The following GRIA1 variants were observed in gnomAD, a reference collection of about 807,000 sequenced individuals.
GRIA1 encodes glutamate receptor 1.
Under a neutral mutation model 99.2 loss-of-function variants are expected in GRIA1, and 31 were observed. The observed-to-expected ratio is 0.31, with a 90% CI of 0.23 to 0.42. The LOEUF is 0.42. Ranked by LOEUF, GRIA1 falls within the 10% of genes least tolerant of loss-of-function variation. The pLI, the probability that GRIA1 is intolerant of heterozygous loss-of-function variation, is 1.00. For synonymous variants in GRIA1, 438 were observed against 432.4 expected, an observed-to-expected ratio of 1.01 and a Z score of -0.16; for missense variants, 782 against 1,157.5, an observed-to-expected ratio of 0.68 and a Z score of 4.71.
intron 2 of GRIA1, among the ~76,000 whole-genome samples, chr5:153,548,662 A>T (rs1759831046): frequency 6.6e-6 from 1 of 152,198 alleles, no homozygotes; most frequent in East Asian, 1.9e-4. Flanking sequence ...ATCCTTTCAA[A>T]TTATATGAGG....
chr5:153,734,734 G>A (rs1309338617), intron 11 of GRIA1, among the ~76,000 whole-genome samples: 1 of 152,182 alleles, frequency 6.6e-6, no homozygotes, highest in Admixed American at 6.5e-5. Context: ...AGGCTTTCTG[G>A]AGGAAGTTGC....
intron 2 of GRIA1, among the ~76,000 whole-genome samples, chr5:153,613,327 G>T (rs887726624): frequency 6.6e-5 from 10 of 152,122 alleles, no homozygotes; most frequent in Non-Finnish European, 8.8e-5. Context: ...CAAAATGATT[G>T]ATGCAGCATT....
At chr5:153,580,344 G>C (rs2131564) in intron 2 of GRIA1, among the ~76,000 whole-genome samples, 1 of 152,110 alleles carries the variant, frequency 6.6e-6, no homozygotes, top group Non-Finnish European at 1.5e-5. Flanking sequence ...AGGGATTTGG[G>C]CAAGGTAAAT....
chr5:153,540,351 A>G (rs1338566918), intron 2 of GRIA1, among the ~76,000 whole-genome samples: 2 of 152,188 alleles, frequency 1.3e-5, no homozygotes, highest in African/African-American at 2.4e-5. Context: ...TTAACTCTTC[A>G]TATCCTGGAT....
intron 2 of GRIA1, among the ~76,000 whole-genome samples, chr5:153,510,139 AT>A (rs1185218800): frequency 6.6e-6 from 1 of 152,190 alleles, no homozygotes; most frequent in Non-Finnish European, 1.5e-5. Context: ...AAATAATAAA[AT>A]AAAATTTAAA....
chr5:153,517,710 CA>C (rs972657862), intron 2 of GRIA1, among the ~76,000 whole-genome samples: 1 of 151,550 alleles, frequency 6.6e-6, no homozygotes, highest in Non-Finnish European at 1.5e-5. Context: ...ACACTTTTTT[CA>C]AAAAAAATCT....
chr5:153,806,642 C>T (rs1766447435), intron 15 of GRIA1, among the ~76,000 whole-genome samples: 2 of 152,174 alleles, frequency 1.3e-5, no homozygotes, highest in African/African-American at 4.8e-5. Flanking sequence ...TGCTTAAAAA[C>T]ATCTTCCTCA....
chr5:153,650,782 G>A (rs960608071), intron 4 of GRIA1, among the ~76,000 whole-genome samples: 2 of 150,802 alleles, frequency 1.3e-5, no homozygotes, highest in African/African-American at 4.9e-5. Flanking sequence ...AAAAATGCTG[G>A]ATGCAGTGGC....
At chr5:153,504,393 T>A (rs1354734933) in intron 2 of GRIA1, among the ~76,000 whole-genome samples, 1 of 151,830 alleles carries the variant, frequency 6.6e-6, no homozygotes, top group African/African-American at 2.4e-5. Context: ...ATGTATTTAT[T>A]GTCTATTTTA....
At chr5:153,502,594 C>T (rs1399375871) in intron 2 of GRIA1, among the ~76,000 whole-genome samples, 3 of 152,146 alleles carry the variant, frequency 2.0e-5, no homozygotes, top group Non-Finnish European at 4.4e-5. Flanking sequence ...CCTGGGTTTG[C>T]CATTGATGTA....
chr5:153,756,096 C>T (rs919914131), intron 11 of GRIA1, among the ~76,000 whole-genome samples: 1 of 152,214 alleles, frequency 6.6e-6, no homozygotes, highest in Non-Finnish European at 1.5e-5. Context: ...CAGTTTGGCT[C>T]CAGCCCCCCA....
rs187605766 is a variant in GRIA1 at position 153,701,547 on chromosome 5, G to A, written c.1452+2474G>A. On this transcript the variant is annotated intron_variant, in intron 10 of 15. Coordinates refer to ENST00000285900, the MANE Select transcript of GRIA1 (RefSeq NM_000827.4). ...AAGGCAGGAGAATGGCGTGAACCTG[G>A]GAGGCGGAGCTTGCAATGAGCCAAG... 3.5e-3 allele frequency among the ~76,000 whole-genome samples: 499 copies of A among 143,520 alleles called. 2 individuals are homozygous for A. Among genetic ancestry groups the A allele is most frequent in the Non-Finnish European group, 3.5e-3 (236 of 66,634 alleles). 94.2% of individuals were successfully genotyped at this position (143,520 alleles called of 152,430 possible).
chr5:153,692,629 T>C lies in GRIA1; in HGVS notation c.1135-5415T>C, dbSNP rs143247585. On this transcript the variant is annotated intron_variant, in intron 8 of 15. Transcript: ENST00000285900. ...CAAAGATATCTACCGTCTGGCCCTT[T>C]AGGATAAAGCTTGTCAACCCCTGGT... Among the ~76,000 whole-genome samples, 1,103 of 152,284 alleles carry C rather than the reference T, an allele frequency of 7.2e-3. 5 individuals carry two copies. The highest frequency in any genetic ancestry group is 0.011 in the Non-Finnish European group (732 of 68,018).
chr5:153,737,290 TAAAAAAAAA>T (rs35443126), intron 11 of GRIA1, among the ~76,000 whole-genome samples: 2 of 74,080 alleles, frequency 2.7e-5, no homozygotes, highest in Non-Finnish European at 2.6e-5. Context: ...GCAACCCCGG[TAAAAAAAAA>T]AAAAAAAAAA....
chr5:153,785,312 C>G (rs1259390289), intron 13 of GRIA1, among the ~76,000 whole-genome samples: 1 of 152,168 alleles, frequency 6.6e-6, no homozygotes, highest in Non-Finnish European at 1.5e-5. Context: ...CTTTACTCAT[C>G]AATACCTGCT....
At chr5:153,597,145 C>T (rs1764504212) in intron 2 of GRIA1, among the ~76,000 whole-genome samples, 1 of 152,216 alleles carries the variant, frequency 6.6e-6, no homozygotes, top group Non-Finnish European at 1.5e-5. Context: ...AACATTTCAG[C>T]TCTGCAGAGC....
chr5:153,625,643 A>G (rs915720264), intron 2 of GRIA1, among the ~76,000 whole-genome samples: 1 of 152,248 alleles, frequency 6.6e-6, no homozygotes, highest in Admixed American at 6.5e-5. Context: ...TATAGGGTCC[A>G]AAGGAAGCAG....
rs145243039 is a variant in GRIA1 at position 153,678,183 on chromosome 5, T to C, written c.1029+1022T>C. On this transcript the variant is annotated intron_variant, in intron 7 of 15. Transcript: ENST00000285900. ...TCAGCAGAAGATGAATTTGGGCTCC[T>C]TGGGGAGAAGAGGAGCATTTCTGAA... 4.1e-3 allele frequency among the ~76,000 whole-genome samples: 630 copies of C among 152,286 alleles called. 3 individuals carry two copies. Among genetic ancestry groups the C allele is most frequent in the African/African-American group, 0.014 (590 of 41,562 alleles).
chr5:153,503,990 C>G (rs2113260785), intron 2 of GRIA1, among the ~76,000 whole-genome samples: 1 of 152,302 alleles, frequency 6.6e-6, no homozygotes, highest in Non-Finnish European at 1.5e-5. Context: ...CAGCCTTCAC[C>G]TGCCCAGCTA....
Sources: gnomAD v4.1 joint callset for allele counts (sites outside exome capture counted in the v4.1 genomes callset) on GRCh38, gnomAD v4.1.1 for gene constraint, MANE v1.5 for transcripts, NCBI Gene and HGNC (gene_info 2026-07-23, HGNC 2026-07-21) for gene names.